Variants in GABRG3 observed in about 807,000 individuals in gnomAD.
GABRG3 encodes the protein gamma-aminobutyric acid receptor subunit gamma-3.
GABRG3 carries 25 observed loss-of-function variants against 48.8 expected under a neutral mutation model. The ratio of observed to expected loss-of-function variants is 0.51; its 90% CI spans 0.37 to 0.72. The LOEUF is 0.72. Ranked by LOEUF, GABRG3 falls within the 30% of genes least tolerant of loss-of-function variation. The probability of loss-of-function intolerance (pLI) is 0.00; values close to 1 mark genes in which losing one functional copy is unlikely to be tolerated. For missense variants in GABRG3, 394 were observed against 577.9 expected (o/e 0.68, Z 3.26); for synonymous variants, 227 against 217.6 (o/e 1.04, Z -0.38).
At chr15:27,515,106 G>A (rs773366357) in intron 6 of GABRG3, among the ~76,000 whole-genome samples, 1 of 151,216 alleles carries the variant, frequency 6.6e-6, no homozygotes, top group East Asian at 1.9e-4. Context: ...TTTTTGAGAC[G>A]GAGTTTTGCT....
chr15:26,971,441 C>A lies in GABRG3; in HGVS notation c.-95C>A. The A allele has an allele frequency of 2.8e-6, 3 of 1,070,298 alleles. No homozygotes were observed. Among genetic ancestry groups the A allele is most frequent in the Non-Finnish European group, 2.5e-6 (2 of 792,244 alleles). The allele number at this position is 1,070,298 out of a possible 1,614,324, so 66.3% of individuals were successfully genotyped here. ...CCGCGGCCAGCAGCCTCGGAGGAAG[C>A]CAGGGCAAAGAGGGCCGGCGGAGAC... On this transcript the variant is annotated 5_prime_UTR_variant, in exon 1 of 10. Transcript: ENST00000615808.
At chr15:27,014,698 A>G (rs1029913048) in intron 2 of GABRG3, among the ~76,000 whole-genome samples, 6 of 152,142 alleles carry the variant, frequency 3.9e-5, no homozygotes, top group Admixed American at 6.5e-5. Context: ...CATGTCTTCT[A>G]TCTTTGAGAA....
chr15:27,388,332 A>C (rs1399317161), intron 5 of GABRG3, among the ~76,000 whole-genome samples: 1 of 66,020 alleles, frequency 1.5e-5, no homozygotes, highest in Admixed American at 1.5e-4. Context: ...AGAAGGAAGG[A>C]AGGAAAGGTG....
At chr15:27,430,589 G>A (rs1309721169) in intron 5 of GABRG3, among the ~76,000 whole-genome samples, 2 of 152,196 alleles carry the variant, frequency 1.3e-5, no homozygotes, top group Non-Finnish European at 2.9e-5. Flanking sequence ...ATGAGAGGAA[G>A]AGATATAATT....
intron 3 of GABRG3, among the ~76,000 whole-genome samples, chr15:27,122,282 T>A (rs866883594): frequency 6.6e-6 from 1 of 152,084 alleles, no homozygotes; most frequent in Non-Finnish European, 1.5e-5. Context: ...AAAGATCTGT[T>A]GGCCAAATAA....
At chr15:27,475,388 T>A (rs1889907320) in intron 5 of GABRG3, among the ~76,000 whole-genome samples, 2 of 152,220 alleles carry the variant, frequency 1.3e-5, no homozygotes, top group African/African-American at 2.4e-5. Context: ...TTGGAATAGT[T>A]CGTAGACTAT....
chr15:27,196,294 T>TTGCTCCCC (rs1888493878), intron 3 of GABRG3, among the ~76,000 whole-genome samples: 1 of 152,102 alleles, frequency 6.6e-6, no homozygotes, highest in African/African-American at 2.4e-5. Context: ...CACCAAGACC[T>TTGCTCCCC]TGCTCCCCTG....
At chr15:27,045,343 A>T (rs1231883407) in intron 3 of GABRG3, among the ~76,000 whole-genome samples, 1 of 152,210 alleles carries the variant, frequency 6.6e-6, no homozygotes, top group Non-Finnish European at 1.5e-5. Context: ...CGAAACTCAC[A>T]TGAGGGTAGA....
intron 5 of GABRG3, among the ~76,000 whole-genome samples, chr15:27,459,305 T>C (rs1384855399): frequency 1.3e-5 from 2 of 152,298 alleles, no homozygotes; most frequent in South Asian, 2.1e-4. Flanking sequence ...ACCGCATGCA[T>C]GGACAGCTGC....
intron 3 of GABRG3, among the ~76,000 whole-genome samples, chr15:27,085,460 A>G (rs7494989): frequency 0.75 from 114,786 of 152,120 alleles, 44,613 homozygotes; most frequent in African/African-American, 0.94. Flanking sequence ...TCTCTGGGAT[A>G]TGTGCCTAGA....
chr15:27,499,106 C>A (rs1207377937), intron 6 of GABRG3, among the ~76,000 whole-genome samples: 1 of 152,160 alleles, frequency 6.6e-6, no homozygotes, highest in African/African-American at 2.4e-5. Flanking sequence ...GATAACCAAC[C>A]TCATATGCCT....
chr15:27,096,962 T>A (rs913772503), intron 3 of GABRG3, among the ~76,000 whole-genome samples: 1 of 149,132 alleles, frequency 6.7e-6, no homozygotes, highest in African/African-American at 2.5e-5. Flanking sequence ...TGCCTCAGCC[T>A]CCCAAGTAGC....
intron 5 of GABRG3, among the ~76,000 whole-genome samples, chr15:27,471,210 T>C (rs890757636): frequency 4.6e-5 from 7 of 152,132 alleles, no homozygotes; most frequent in African/African-American, 1.7e-4. Flanking sequence ...TTGTGGAAAG[T>C]GGTCCTCCTA....
intron 5 of GABRG3, among the ~76,000 whole-genome samples, chr15:27,417,554 G>C (rs1002112031): frequency 5.3e-5 from 8 of 152,050 alleles, no homozygotes; most frequent in Non-Finnish European, 1.0e-4. Flanking sequence ...CCGGGGCTCA[G>C]GTGCCCTCAG....
chr15:27,479,812 A>G (rs1470246851), intron 5 of GABRG3, among the ~76,000 whole-genome samples: 1 of 152,236 alleles, frequency 6.6e-6, no homozygotes, highest in African/African-American at 2.4e-5. Context: ...AGAGCTGCAG[A>G]GCCTGCAGAT....
At chr15:26,998,840 C>A (rs574689787) in intron 2 of GABRG3, among the ~76,000 whole-genome samples, 1 of 152,252 alleles carries the variant, frequency 6.6e-6, no homozygotes, top group Admixed American at 6.5e-5. Context: ...ATTGTCCTCA[C>A]AATGATTTAG....
intron 3 of GABRG3, among the ~76,000 whole-genome samples, chr15:27,101,473 A>G (rs963536737): frequency 2.0e-5 from 3 of 152,216 alleles, no homozygotes; most frequent in Non-Finnish European, 2.9e-5. Context: ...AACACCTAGA[A>G]TAGCTGAAAT....
chr15:27,274,757 T>C (rs911372204), intron 3 of GABRG3, among the ~76,000 whole-genome samples: 2 of 152,196 alleles, frequency 1.3e-5, no homozygotes, highest in African/African-American at 4.8e-5. Context: ...ACAGACATTA[T>C]ACATGCATAG....
At chr15:27,471,647 T>C (rs1317871683) in intron 5 of GABRG3, among the ~76,000 whole-genome samples, 1 of 152,210 alleles carries the variant, frequency 6.6e-6, no homozygotes, top group Non-Finnish European at 1.5e-5. Flanking sequence ...CTTGCTGTTA[T>C]AATTTTTGCA....
Sources: gnomAD v4.1 joint callset for allele counts (sites outside exome capture counted in the v4.1 genomes callset) on GRCh38, gnomAD v4.1.1 for gene constraint, MANE v1.5 for transcripts, NCBI Gene and HGNC (gene_info 2026-07-23, HGNC 2026-07-21) for gene names.